ROBO1: variants seen among roughly 807,000 people sequenced by gnomAD.
ROBO1 encodes the protein roundabout guidance receptor 1, also known as roundabout homolog 1.
Under a neutral mutation model 195.9 loss-of-function variants are expected in ROBO1, and 149 were observed. The ratio of observed to expected loss-of-function variants is 0.76; its 90% CI spans 0.67 to 0.87. The LOEUF (loss-of-function observed/expected upper bound fraction) is 0.87. Ranked by LOEUF, ROBO1 falls within the 40% of genes least tolerant of loss-of-function variation. The pLI, the probability that ROBO1 is intolerant of heterozygous loss-of-function variation, is 0.00. For synonymous variants in ROBO1, 816 were observed against 733.2 expected (o/e 1.11, Z -1.82); for missense variants, 1,933 against 2,068.3 (o/e 0.93, Z 1.27).
rs187629158 is a variant in ROBO1 at position 79,592,961 on chromosome 3, T to C, written c.-50-3000A>G. On this transcript the variant is annotated intron_variant, in intron 1 of 30. Transcript: ENST00000464233. ...TGTTATCTCCATAGTTCTGCCTTTC[T>C]TGGAATGTCATATAGGCATAAACAT... is the stretch of plus-strand genomic sequence containing the variant. Among the ~76,000 whole-genome samples the C allele has an allele frequency of 6.6e-4, 100 of 152,190 alleles. 2 individuals are homozygous for C. Among genetic ancestry groups the C allele is most frequent in the Admixed American group, 2.2e-3 (34 of 15,260 alleles).
At chr3:79,483,739 A>G (rs973512237) in intron 2 of ROBO1, among the ~76,000 whole-genome samples, 24 of 152,080 alleles carry the variant, frequency 1.6e-4, no homozygotes, top group Admixed American at 1.6e-3. Flanking sequence ...ACTGTCATGT[A>G]TGTGGGTCTA....
At chr3:79,029,925 G>A (rs1190395817) in intron 3 of ROBO1, among the ~76,000 whole-genome samples, 1 of 152,172 alleles carries the variant, frequency 6.6e-6, no homozygotes, top group East Asian at 1.9e-4. Context: ...AAACGCAACA[G>A]TGGAAGTAAT....
chr3:79,026,007 A>G (rs1417137845), intron 3 of ROBO1, among the ~76,000 whole-genome samples: 2 of 152,136 alleles, frequency 1.3e-5, no homozygotes, highest in African/African-American at 4.8e-5. Context: ...ACATCATTAG[A>G]TATGGCATAG....
chr3:78,613,757 A>C (rs964091486), intron 28 of ROBO1, among the ~76,000 whole-genome samples: 3 of 152,192 alleles, frequency 2.0e-5, no homozygotes, highest in Admixed American at 1.3e-4. Context: ...GCAACCTTGG[A>C]TAAGGATCTA....
intron 1 of ROBO1, among the ~76,000 whole-genome samples, chr3:79,737,969 C>G (rs1703458797): frequency 6.6e-6 from 1 of 152,138 alleles, no homozygotes; most frequent in Admixed American, 6.6e-5. Context: ...GGAAACCAGC[C>G]TGTTAGTCAT....
intron 4 of ROBO1, among the ~76,000 whole-genome samples, chr3:78,823,700 C>A (rs543125306): frequency 1.3e-5 from 2 of 152,270 alleles, no homozygotes; most frequent in East Asian, 3.9e-4. Flanking sequence ...TTAAACATTA[C>A]CTAGCATACT....
intron 2 of ROBO1, among the ~76,000 whole-genome samples, chr3:79,445,397 TATC>T (rs1229801737): frequency 6.6e-6 from 1 of 151,590 alleles, no homozygotes; most frequent in Non-Finnish European, 1.5e-5. Context: ...ATCATTAGAA[TATC>T]ATGAGTAGAA....
At chr3:78,792,155 C>T (rs560172913) in intron 4 of ROBO1, among the ~76,000 whole-genome samples, 2 of 152,208 alleles carry the variant, frequency 1.3e-5, no homozygotes, top group African/African-American at 2.4e-5. Flanking sequence ...AGTCCTGGGA[C>T]CTCATTGTGG....
At chr3:79,679,800 A>T (rs1460079483) in intron 1 of ROBO1, among the ~76,000 whole-genome samples, 2 of 152,004 alleles carry the variant, frequency 1.3e-5, no homozygotes, top group Admixed American at 6.6e-5. Context: ...AATCAGGATG[A>T]CAAATATATT....
chr3:79,736,963 C>T (rs1560144919), intron 1 of ROBO1, among the ~76,000 whole-genome samples: 1 of 152,188 alleles, frequency 6.6e-6, no homozygotes, highest in Non-Finnish European at 1.5e-5. Context: ...GACTTCTTTG[C>T]TTCCAGTCTC....
At chr3:79,182,542 G>GGT (rs71127377) in intron 2 of ROBO1, among the ~76,000 whole-genome samples, 3,706 of 148,350 alleles carry the variant, frequency 0.025, 82 homozygotes, top group African/African-American at 0.051. Context: ...CTGGGGCACA[G>GGT]GTGTGTGTGT....
At chr3:79,284,598 T>C (rs2031766508) in intron 2 of ROBO1, among the ~76,000 whole-genome samples, 1 of 152,186 alleles carries the variant, frequency 6.6e-6, no homozygotes, top group Admixed American at 6.5e-5. Flanking sequence ...ATTTTGGTAA[T>C]TGTTGTAAAA....
chr3:78,656,345 ATTTTTTTT>A lies in ROBO1; in HGVS notation c.2614+745_2614+752del, dbSNP rs5850382. Among the ~76,000 whole-genome samples the A allele has an allele frequency of 1.4e-3, 120 of 88,612 alleles. 1 individual carries two copies. The highest frequency in any genetic ancestry group is 3.1e-3 in the South Asian group (7 of 2,266). The allele number at this position is 88,612 out of a possible 152,430, so 58.1% of individuals were successfully genotyped here. On this transcript the variant is annotated intron_variant, in intron 18 of 30. Coordinates refer to ENST00000464233, the MANE Select transcript of ROBO1 (RefSeq NM_002941.4). ...TTTTAAATTGAAGTTTGCTTATTTG[ATTTTTTTT>A]TTTTTTTTTTTTTTTGATAGGGAGT...
At chr3:78,908,722 T>C (rs180729790) in intron 4 of ROBO1, among the ~76,000 whole-genome samples, 192 of 151,964 alleles carry the variant, frequency 1.3e-3, no homozygotes, top group Non-Finnish European at 2.1e-3. Flanking sequence ...ACAGCAGCAG[T>C]GGTAAGCACA....
At chr3:79,481,004 T>A (rs1938822802) in intron 2 of ROBO1, among the ~76,000 whole-genome samples, 1 of 152,180 alleles carries the variant, frequency 6.6e-6, no homozygotes, top group Admixed American at 6.6e-5. Context: ...ACACAGTAAC[T>A]AATTTTACTT....
intron 2 of ROBO1, among the ~76,000 whole-genome samples, chr3:79,578,372 A>C (rs1943560769): frequency 6.6e-6 from 1 of 152,224 alleles, no homozygotes; most frequent in African/African-American, 2.4e-5. Context: ...GATTCAGTGA[A>C]TATAATCAAC....
intron 3 of ROBO1, among the ~76,000 whole-genome samples, chr3:78,950,518 G>A (rs542861267): frequency 1.0e-5 from 1 of 99,004 alleles, no homozygotes; most frequent in African/African-American, 3.9e-5. Flanking sequence ...TTGTGGGGTG[G>A]GGGGAGGGGG....
chr3:79,339,046 C>T (rs549703488), intron 2 of ROBO1, among the ~76,000 whole-genome samples: 34 of 152,268 alleles, frequency 2.2e-4, no homozygotes, highest in South Asian at 1.0e-3. Context: ...TTAAATTCAA[C>T]GGCAAATGTT....
chr3:78,771,475 T>C (rs769614696), intron 4 of ROBO1, among the ~76,000 whole-genome samples: 7 of 152,184 alleles, frequency 4.6e-5, no homozygotes, highest in Non-Finnish European at 7.3e-5. Context: ...AATCTGTACA[T>C]TGCTTTGGGG....
Sources: allele counts gnomAD v4.1 joint callset (sites outside exome capture counted in the v4.1 genomes callset), GRCh38; gene constraint gnomAD v4.1.1; transcripts MANE v1.5; gene names NCBI Gene and HGNC (gene_info 2026-07-23, HGNC 2026-07-21).